LDLRAD3: variants seen among roughly 807,000 people sequenced by gnomAD.
LDLRAD3 encodes the protein low density lipoprotein receptor class A domain containing 3, also known as low-density lipoprotein receptor class A domain-containing protein 3.
LDLRAD3 carries 20 observed loss-of-function variants against 29.4 expected under a neutral mutation model. That is an observed-to-expected ratio of 0.68 (90% CI 0.48 to 0.99). The LOEUF (loss-of-function observed/expected upper bound fraction) is 0.99. Among genes scored for constraint, LDLRAD3 ranks in the 50% least tolerant of loss-of-function variants. The pLI, the probability that LDLRAD3 is intolerant of heterozygous loss-of-function variation, is 0.00. For missense variants in LDLRAD3, 420 were observed against 454.3 expected (o/e 0.92, Z 0.69); for synonymous variants, 157 against 192.7 (o/e 0.81, Z 1.53).
chr11:36,046,703 C>T (rs1316069378), intron 2 of LDLRAD3, among the ~76,000 whole-genome samples: 1 of 152,110 alleles, frequency 6.6e-6, no homozygotes, highest in Admixed American at 6.5e-5. Context: ...TCCCAGTGAC[C>T]AGCAGCTACC....
At chr11:36,055,934 GGTAGAGACTCTAAGTGAGCATGTAGT>G in intron 2 of LDLRAD3, among the ~76,000 whole-genome samples, 1 of 147,832 alleles carries the variant, frequency 6.8e-6, no homozygotes, top group African/African-American at 2.5e-5. Flanking sequence ...TATGCAAAAT[GGTAGAGACTCTAAGTGAGCATGTAGT>G]GTAGGGGTTC....
chr11:35,947,046 GGGAGTA>G (rs1851066368), intron 1 of LDLRAD3, among the ~76,000 whole-genome samples: 2 of 152,156 alleles, frequency 1.3e-5, no homozygotes, highest in African/African-American at 4.8e-5. Context: ...GGAGAGAGAT[GGGAGTA>G]GGAGAGGGTG....
In LDLRAD3 at chr11:35,968,583, C is replaced by G. The variant is rs993566380; in HGVS notation, c.46+24439C>G. 2.5e-5 allele frequency: 5 copies of G among 198,748 alleles called. No individual in the cohort carries two copies. The Admixed American group carries it at 2.6e-4, about 10-fold the overall frequency. The allele number at this position is 198,748 out of a possible 1,614,324, so 12.3% of individuals were successfully genotyped here. ...TCTGAATTCTGCACTTCACTCTTCT[C>G]TGGGATCTGGCTCTGGGCCTCCCTG... On this transcript the variant is annotated intron_variant, in intron 1 of 5. Coordinates refer to ENST00000315571, the MANE Select transcript of LDLRAD3 (RefSeq NM_174902.4).
chr11:36,180,570 TG>T (rs1854745345), intron 4 of LDLRAD3, among the ~76,000 whole-genome samples: 1 of 152,136 alleles, frequency 6.6e-6, no homozygotes, highest in African/African-American at 2.4e-5. Flanking sequence ...TATGAGGCAT[TG>T]AAGGGACTTT....
At chr11:36,066,867 G>A (rs1499510) in intron 2 of LDLRAD3, among the ~76,000 whole-genome samples, 11 of 152,020 alleles carry the variant, frequency 7.2e-5, no homozygotes, top group African/African-American at 2.7e-4. Flanking sequence ...AGTTTCTTCA[G>A]AAAAAACAAA....
At chr11:36,141,035 T>C (rs957187405) in intron 4 of LDLRAD3, among the ~76,000 whole-genome samples, 24 of 145,884 alleles carry the variant, frequency 1.6e-4, no homozygotes, top group African/African-American at 6.3e-4. Flanking sequence ...TCTCTCTCTC[T>C]CCGTGTGGGG....
chr11:36,221,394 G>C (rs537861718), intron 4 of LDLRAD3, among the ~76,000 whole-genome samples: 1 of 151,646 alleles, frequency 6.6e-6, no homozygotes, highest in Non-Finnish European at 1.5e-5. Context: ...TCAGGCTGGA[G>C]GCATTGGAAG....
intron 1 of LDLRAD3, among the ~76,000 whole-genome samples, chr11:35,973,192 C>T (rs559052349): frequency 1.9e-4 from 28 of 150,238 alleles, no homozygotes; most frequent in South Asian, 1.1e-3. Flanking sequence ...TTATTGTTGT[C>T]GTTGTTTACT....
At chr11:36,168,676 A>T in intron 4 of LDLRAD3, among the ~76,000 whole-genome samples, 1 of 152,136 alleles carries the variant, frequency 6.6e-6, no homozygotes, top group East Asian at 1.9e-4. Context: ...ACTTTTTAGC[A>T]ACAGTTGTGT....
chr11:35,950,366 T>C (rs988393029), intron 1 of LDLRAD3, among the ~76,000 whole-genome samples: 2 of 152,236 alleles, frequency 1.3e-5, no homozygotes, highest in African/African-American at 4.8e-5. Flanking sequence ...TTTGCTTCTT[T>C]AGCTTTCAAG....
chr11:36,202,397 T>C (rs917397080), intron 4 of LDLRAD3, among the ~76,000 whole-genome samples: 1 of 152,160 alleles, frequency 6.6e-6, no homozygotes, highest in African/African-American at 2.4e-5. Context: ...GAATACCCAA[T>C]AATAATAGTA....
intron 4 of LDLRAD3, among the ~76,000 whole-genome samples, chr11:36,189,833 G>T (rs1854913817): frequency 6.6e-6 from 1 of 152,022 alleles, no homozygotes; most frequent in Non-Finnish European, 1.5e-5. Flanking sequence ...GTGGTGTTTG[G>T]TTTTTTGTTC....
At chr11:36,065,789 C>T (rs939969340) in intron 2 of LDLRAD3, among the ~76,000 whole-genome samples, 3 of 152,118 alleles carry the variant, frequency 2.0e-5, no homozygotes, top group Non-Finnish European at 2.9e-5. Context: ...TTTATATCTG[C>T]CCTTTGCAGG....
chr11:36,019,906 T>C (rs1172085846), intron 1 of LDLRAD3, among the ~76,000 whole-genome samples: 1 of 152,184 alleles, frequency 6.6e-6, no homozygotes, highest in Admixed American at 6.5e-5. Context: ...AGAGGCGTTG[T>C]CACCTGCTGG....
intron 3 of LDLRAD3, among the ~76,000 whole-genome samples, chr11:36,084,463 A>C (rs920244262): frequency 6.6e-6 from 1 of 152,184 alleles, no homozygotes; most frequent in African/African-American, 2.4e-5. Context: ...TATAAAAATA[A>C]ATAAGTAAAT....
At chr11:36,000,552 C>T (rs143037530) in intron 1 of LDLRAD3, among the ~76,000 whole-genome samples, 1 of 152,128 alleles carries the variant, frequency 6.6e-6, no homozygotes, top group East Asian at 1.9e-4. Context: ...GGGTCTGGTT[C>T]CATGAGCATT....
chr11:36,026,575 A>T (rs1443794758), intron 1 of LDLRAD3, among the ~76,000 whole-genome samples: 1 of 152,240 alleles, frequency 6.6e-6, no homozygotes, highest in Non-Finnish European at 1.5e-5. Flanking sequence ...GGAGGTCAGT[A>T]GAACATACAG....
intron 4 of LDLRAD3, among the ~76,000 whole-genome samples, chr11:36,214,422 A>T (rs935203575): frequency 1.1e-4 from 17 of 152,144 alleles, no homozygotes. Context: ...GGATCTCTAG[A>T]TGATTCTGGG....
intron 1 of LDLRAD3, among the ~76,000 whole-genome samples, chr11:35,998,385 C>T (rs1851781555): frequency 6.6e-6 from 1 of 152,156 alleles, no homozygotes; most frequent in Non-Finnish European, 1.5e-5. Flanking sequence ...GTAGAATCCA[C>T]ACATTTAATT....
Sources: allele counts gnomAD v4.1 joint callset (sites outside exome capture counted in the v4.1 genomes callset), GRCh38; gene constraint gnomAD v4.1.1; transcripts MANE v1.5; gene names NCBI Gene and HGNC (gene_info 2026-07-23, HGNC 2026-07-21).